The following PKHD1 variants were observed in gnomAD, a reference collection of about 807,000 sequenced individuals.
PKHD1 encodes the protein PKHD1 ciliary IPT domain containing fibrocystin/polyductin, also known as fibrocystin.
Under a neutral mutation model 412.0 loss-of-function variants are expected in PKHD1, and 291 were observed. The observed-to-expected ratio is 0.71, with a 90% CI of 0.64 to 0.78. The LOEUF (loss-of-function observed/expected upper bound fraction) is 0.78. Ranked by LOEUF, PKHD1 falls within the 30% of genes least tolerant of loss-of-function variation. The probability of loss-of-function intolerance (pLI) is 0.00; values close to 1 mark genes in which losing one functional copy is unlikely to be tolerated. For missense variants in PKHD1, 4,825 were observed against 4,950.7 expected, an observed-to-expected ratio of 0.97 and a Z score of 0.76; for synonymous variants, 1,777 against 1,821.5, an observed-to-expected ratio of 0.98 and a Z score of 0.62.
At chr6:51,898,767 G>A (rs1055947462) in intron 43 of PKHD1, among the ~76,000 whole-genome samples, 2 of 118,926 alleles carry the variant, frequency 1.7e-5, no homozygotes, top group Non-Finnish European at 3.4e-5. Flanking sequence ...TAGACTGCTA[G>A]CAAGACTAAT....
chr6:52,074,305 T>C (rs1811048493), intron 6 of PKHD1, among the ~76,000 whole-genome samples: 2 of 152,242 alleles, frequency 1.3e-5, no homozygotes, highest in African/African-American at 4.8e-5. Context: ...GACTTTCATC[T>C]GCACTCATTG....
At chr6:51,836,256 A>G (rs899298222) in intron 51 of PKHD1, 148 bp downstream of exon 51, 10 of 673,542 alleles carry the variant, frequency 1.5e-5, no homozygotes, top group Admixed American at 2.3e-5. Context: ...TTTTAGTTAC[A>G]GGGCAACACA....
intron 63 of PKHD1, among the ~76,000 whole-genome samples, chr6:51,643,530 C>T (rs1322593065): frequency 6.6e-6 from 1 of 152,100 alleles, no homozygotes; most frequent in Non-Finnish European, 1.5e-5. Flanking sequence ...ACAAAATATG[C>T]CACATTACCT....
chr6:51,903,514 G>T, intron 43 of PKHD1, 83 bp downstream of exon 43: 1 of 1,222,174 alleles, frequency 8.2e-7, no homozygotes, highest in Non-Finnish European at 1.2e-6. Flanking sequence ...GCCCAGGGAA[G>T]CCAAAAGGTT....
intron 52 of PKHD1, among the ~76,000 whole-genome samples, chr6:51,807,479 A>ATATGTGTGTGTGTG (rs1451342734): frequency 2.9e-5 from 3 of 103,488 alleles, no homozygotes; most frequent in African/African-American, 1.5e-4. Flanking sequence ...ATATATATAT[A>ATATGTGTGTGTGTG]TGTATATGTG....
chr6:51,922,824 C>T (rs187653779), intron 37 of PKHD1, among the ~76,000 whole-genome samples: 36 of 152,210 alleles, frequency 2.4e-4, no homozygotes, highest in African/African-American at 7.7e-4. Flanking sequence ...GGGAGTGTCC[C>T]GATTTTCCAG....
chr6:51,944,964 A>G (rs1789232134), intron 36 of PKHD1, among the ~76,000 whole-genome samples: 1 of 152,256 alleles, frequency 6.6e-6, no homozygotes, highest in Admixed American at 6.5e-5. Context: ...CAGCAAGGTC[A>G]GTCTACAGGC....
intron 53 of PKHD1, 43 bp downstream of exon 53, chr6:51,791,193 A>G (rs956633391): frequency 2.3e-5 from 37 of 1,601,000 alleles, no homozygotes; most frequent in Non-Finnish European, 3.2e-5. Flanking sequence ...TTCTCACAGA[A>G]TATAATTCTC....
intron 60 of PKHD1, among the ~76,000 whole-genome samples, chr6:51,687,648 C>CT (rs1188745798): frequency 6.6e-6 from 1 of 152,166 alleles, no homozygotes; most frequent in East Asian, 1.9e-4. Flanking sequence ...GATGAAAAAA[C>CT]TGAGTTTCTT....
intron 35 of PKHD1, among the ~76,000 whole-genome samples, chr6:51,978,320 C>T (rs1583667748): frequency 6.6e-6 from 1 of 152,118 alleles, no homozygotes; most frequent in East Asian, 1.9e-4. Flanking sequence ...TAGAGCCCAT[C>T]AAGATTAATG....
At position 52,060,000 on chromosome 6, in the gene PKHD1, A is replaced by C; in HGVS notation, c.1161T>G (p.Asn387Lys). Residue 387 changes from asparagine to lysine, a missense_variant, in exon 15 of 67, where the codon AAT becomes AAG. Physicochemically the swap from Asn to Lys is moderately conservative, Grantham distance 94 (BLOSUM62 0). Coordinates refer to ENST00000371117, the MANE Select transcript of PKHD1 (RefSeq NM_138694.4). ...SGFFVAPETNNYTFWIQADSQ... is the reference protein window; with the variant it reads ...SGFFVAPETNKYTFWIQADSQ... ...TATCTGCCTGAATCCAGAAAGTGTA[A>C]TTATTTGTCTCTGGAGCCACAAAGA... 1 of 1,611,862 alleles carries C rather than the reference A, an allele frequency of 6.2e-7. No homozygotes were observed. Among genetic ancestry groups the C allele is most frequent in the Non-Finnish European group, 8.5e-7 (1 of 1,177,934 alleles).
chr6:51,931,698 G>C (rs1327583236), intron 37 of PKHD1, among the ~76,000 whole-genome samples: 1 of 152,188 alleles, frequency 6.6e-6, no homozygotes, highest in Non-Finnish European at 1.5e-5. Flanking sequence ...CTTGATCTTT[G>C]CCTGTGTTCA....
intron 56 of PKHD1, among the ~76,000 whole-genome samples, chr6:51,754,019 T>C (rs924666105): frequency 1.3e-5 from 2 of 152,202 alleles, no homozygotes; most frequent in Non-Finnish European, 2.9e-5. Flanking sequence ...CTGGGAACAT[T>C]GATTTAGACA....
chr6:52,046,043 G>C lies in PKHD1; in HGVS notation c.2553C>G (p.Ser851=), dbSNP rs770525592. 1.2e-6 allele frequency: 2 copies of C among 1,613,566 alleles called. No individual in the cohort carries two copies. The highest frequency in any genetic ancestry group is 1.1e-5 in the South Asian group (1 of 91,058). Residue 851 remains serine, a synonymous_variant, in exon 24 of 67, where the codon TCC becomes TCG. Coordinates refer to ENST00000371117, the MANE Select transcript of PKHD1 (RefSeq NM_138694.4). ...YTCYEHVWTL[S]WSTQIGDLPN... Reference sequence around the variant, plus strand: ...GCAAATCCCCAATCTGAGTGGACCAGGACAAGGTCCACACGTGTTCGTAGC... The same window carrying C: ...GCAAATCCCCAATCTGAGTGGACCACGACAAGGTCCACACGTGTTCGTAGC...
intron 52 of PKHD1, among the ~76,000 whole-genome samples, chr6:51,802,768 TC>T (rs1433109509): frequency 1.3e-4 from 20 of 151,296 alleles, no homozygotes; most frequent in Admixed American, 1.3e-3. Flanking sequence ...CCCCATCAGG[TC>T]TTTTTTGAAA....
At chr6:51,963,875 T>C (rs969613261) in intron 35 of PKHD1, among the ~76,000 whole-genome samples, 2 of 152,112 alleles carry the variant, frequency 1.3e-5, no homozygotes, top group African/African-American at 4.8e-5. Flanking sequence ...TCCTCTATAG[T>C]TCCCATGATG....
At chr6:51,830,120 T>C (rs937200465) in intron 52 of PKHD1, among the ~76,000 whole-genome samples, 5 of 152,180 alleles carry the variant, frequency 3.3e-5, no homozygotes, top group African/African-American at 1.2e-4. Flanking sequence ...GATCTTCTTT[T>C]ATTCACTATT....
chr6:51,931,095 T>C (rs1786501947), intron 37 of PKHD1, among the ~76,000 whole-genome samples: 1 of 152,214 alleles, frequency 6.6e-6, no homozygotes, highest in Non-Finnish European at 1.5e-5. Flanking sequence ...AGCTGATCTG[T>C]GGCAGAACTG....
At chr6:51,710,440 T>C (rs1780524923) in intron 60 of PKHD1, among the ~76,000 whole-genome samples, 1 of 152,200 alleles carries the variant, frequency 6.6e-6, no homozygotes, top group African/African-American at 2.4e-5. Context: ...TTCCTTTTTT[T>C]AATGACTTTG....
Sources: gnomAD v4.1 joint callset for allele counts (sites outside exome capture counted in the v4.1 genomes callset) on GRCh38, gnomAD v4.1.1 for gene constraint, MANE v1.5 for transcripts, NCBI Gene and HGNC (gene_info 2026-07-23, HGNC 2026-07-21) for gene names.